Variants in DCLK1 observed in about 807,000 individuals in gnomAD.
DCLK1 encodes doublecortin like kinase 1, also known as serine/threonine-protein kinase DCLK1.
In DCLK1, 16 loss-of-function variants were observed where a neutral mutation model predicts 86.2. The observed-to-expected ratio is 0.19, with a 90% CI of 0.13 to 0.28. DCLK1 has a LOEUF of 0.28. Ranked by LOEUF, DCLK1 falls within the 10% of genes least tolerant of loss-of-function variation. DCLK1 has a pLI of 1.00. For missense variants in DCLK1, 590 were observed against 940.2 expected (o/e 0.63, Z 4.87); for synonymous variants, 369 against 370.5 (o/e 1.00, Z 0.05).
chr13:35,800,058 T>A (rs1346161213), intron 15 of DCLK1, among the ~76,000 whole-genome samples: 1 of 152,362 alleles, frequency 6.6e-6, no homozygotes, highest in East Asian at 1.9e-4. Flanking sequence ...ATTATCTATC[T>A]GGATCTGTGA....
At chr13:36,016,871 T>C (rs895164202) in intron 3 of DCLK1, among the ~76,000 whole-genome samples, 1 of 152,226 alleles carries the variant, frequency 6.6e-6, no homozygotes, top group Non-Finnish European at 1.5e-5. Context: ...CATGAAGTCT[T>C]TGACACGGTG....
intron 3 of DCLK1, among the ~76,000 whole-genome samples, chr13:36,058,923 T>C (rs962343211): frequency 2.6e-5 from 4 of 152,202 alleles, no homozygotes; most frequent in African/African-American, 9.6e-5. Context: ...TTAGTAATGA[T>C]CAGAATATCT....
chr13:35,935,324 G>A (rs562866721), intron 4 of DCLK1, among the ~76,000 whole-genome samples: 3 of 152,106 alleles, frequency 2.0e-5, no homozygotes, highest in Non-Finnish European at 4.4e-5. Context: ...AGGATTAATC[G>A]GGTTCAAACA....
intron 4 of DCLK1, among the ~76,000 whole-genome samples, chr13:35,902,692 T>C (rs1386805996): frequency 6.6e-6 from 1 of 152,060 alleles, no homozygotes; most frequent in Non-Finnish European, 1.5e-5. Flanking sequence ...GTCCAGTTCT[T>C]AAGGCGGTGG....
At chr13:36,016,151 C>T (rs1048798372) in intron 3 of DCLK1, among the ~76,000 whole-genome samples, 2 of 152,132 alleles carry the variant, frequency 1.3e-5, no homozygotes, top group African/African-American at 4.8e-5. Context: ...TGGCTAGAAT[C>T]ACTAGTCTGG....
chr13:35,802,924 C>T (rs935712345), intron 15 of DCLK1, among the ~76,000 whole-genome samples: 1 of 152,148 alleles, frequency 6.6e-6, no homozygotes, highest in South Asian at 2.1e-4. Flanking sequence ...CTCTTCCTCC[C>T]CGCACAGCTA....
At chr13:35,965,410 T>G (rs532902703) in intron 3 of DCLK1, among the ~76,000 whole-genome samples, 3 of 152,232 alleles carry the variant, frequency 2.0e-5, no homozygotes, top group Non-Finnish European at 4.4e-5. Flanking sequence ...CATCTGGAGC[T>G]TTTGTACTGC....
intron 6 of DCLK1, among the ~76,000 whole-genome samples, chr13:35,852,001 G>A (rs1030823516): frequency 2.0e-5 from 3 of 150,828 alleles, no homozygotes; most frequent in Middle Eastern, 3.2e-3. Context: ...GTGTATGTGT[G>A]TGTGTGTGTG....
At chr13:35,812,250 C>A (rs2087162796) in intron 11 of DCLK1, among the ~76,000 whole-genome samples, 1 of 152,142 alleles carries the variant, frequency 6.6e-6, no homozygotes, top group Non-Finnish European at 1.5e-5. Context: ...AATTGAGTCC[C>A]CTCTGTTGGA....
At chr13:36,106,850 A>G (rs1229251506) in intron 3 of DCLK1, among the ~76,000 whole-genome samples, 6 of 152,140 alleles carry the variant, frequency 3.9e-5, no homozygotes, top group Admixed American at 6.5e-5. Context: ...AATTTGTACC[A>G]CTTTTTTAAC....
At chr13:35,929,736 T>C (rs769107028) in intron 4 of DCLK1, among the ~76,000 whole-genome samples, 22 of 152,328 alleles carry the variant, frequency 1.4e-4, no homozygotes, top group Admixed American at 5.2e-4. Context: ...CTAGGAGTGA[T>C]ATGAACTTAG....
chr13:36,012,642 T>C (rs1315838614), intron 3 of DCLK1, among the ~76,000 whole-genome samples: 1 of 138,366 alleles, frequency 7.2e-6, no homozygotes, highest in Non-Finnish European at 1.5e-5. Context: ...CCGACCTTTC[T>C]CTCTGGCTGC....
intron 3 of DCLK1, among the ~76,000 whole-genome samples, chr13:36,099,030 C>T (rs749253374): frequency 3.2e-4 from 48 of 151,108 alleles, no homozygotes; most frequent in Non-Finnish European, 5.9e-4. Context: ...TGCAATGGCG[C>T]GATCAAAGCT....
chr13:35,938,073 T>G (rs1876861260), intron 4 of DCLK1, among the ~76,000 whole-genome samples: 1 of 152,172 alleles, frequency 6.6e-6, no homozygotes, highest in Non-Finnish European at 1.5e-5. Context: ...CTATCATTGA[T>G]TTTTAGAAAA....
intron 3 of DCLK1, among the ~76,000 whole-genome samples, chr13:35,983,553 C>T (rs1265734772): frequency 1.3e-5 from 2 of 152,124 alleles, no homozygotes; most frequent in African/African-American, 4.8e-5. Context: ...GATAGCACCA[C>T]AGGGTGACTA....
At chr13:35,983,015 T>C (rs1555354631) in intron 3 of DCLK1, among the ~76,000 whole-genome samples, 4 of 152,098 alleles carry the variant, frequency 2.6e-5, no homozygotes, top group Non-Finnish European at 5.9e-5. Flanking sequence ...CCTCCCGCCA[T>C]GGCCTCTCAA....
chr13:35,967,848 A>T (rs1362238832), intron 3 of DCLK1, among the ~76,000 whole-genome samples: 1 of 152,040 alleles, frequency 6.6e-6, no homozygotes, highest in African/African-American at 2.4e-5. Flanking sequence ...ATTTAAAAAA[A>T]AAAGTAAAAA....
chr13:35,826,558 A>AGGAGG (rs1161121038), intron 10 of DCLK1, among the ~76,000 whole-genome samples: 3 of 27,256 alleles, frequency 1.1e-4, no homozygotes, highest in African/African-American at 2.0e-4. Context: ...AAAGAAAGAA[A>AGGAGG]GAAACAAGTC....
chr13:35,786,051 T>C (rs865874570), intron 16 of DCLK1, among the ~76,000 whole-genome samples: 8 of 152,180 alleles, frequency 5.3e-5, no homozygotes, highest in Admixed American at 2.0e-4. Flanking sequence ...GCACTTTATG[T>C]GCGCAAGAAA....
Sources: allele counts gnomAD v4.1 joint callset (sites outside exome capture counted in the v4.1 genomes callset), GRCh38; gene constraint gnomAD v4.1.1; transcripts MANE v1.5; gene names NCBI Gene and HGNC (gene_info 2026-07-23, HGNC 2026-07-21).